SEMA4D: variants seen among roughly 807,000 people sequenced by gnomAD.
The protein encoded by SEMA4D is semaphorin 4D.
In SEMA4D, 22 loss-of-function variants were observed where a neutral mutation model predicts 74.8. The ratio of observed to expected loss-of-function variants is 0.29; its 90% CI spans 0.21 to 0.42. The LOEUF (loss-of-function observed/expected upper bound fraction) is 0.42, where lower values mean the gene tolerates loss of function less well. Ranked by LOEUF, SEMA4D falls within the 10% of genes least tolerant of loss-of-function variation. SEMA4D has a pLI of 1.00. For missense variants in SEMA4D, 937 were observed against 1,118.4 expected (o/e 0.84, Z 2.31); for synonymous variants, 445 against 463.7 (o/e 0.96, Z 0.52).
At position 89,492,417 on chromosome 9, in the gene SEMA4D, T is replaced by G. The variant is rs1189181549; in HGVS notation, c.-310+5502A>C. ...CCCTAGTGGTCTCATCCAAACTCCC[T>G]TTCAAAATGTCATCTCTATAGCTAC... On this transcript the variant is annotated intron_variant, in intron 1 of 15. Coordinates refer to ENST00000422704, the MANE Select transcript of SEMA4D (RefSeq NM_001371194.2). The surrounding 1 kb of genome is among the most constrained non-coding windows in gnomAD (Gnocchi z 4.3). Among the ~76,000 whole-genome samples, 1 of 152,110 alleles carries G rather than the reference T, an allele frequency of 6.6e-6. No individual in the cohort carries two copies. Among genetic ancestry groups the G allele is most frequent in the Non-Finnish European group, 1.5e-5 (1 of 68,020 alleles).
At chr9:89,428,548 C>T (rs1247363428) in intron 2 of SEMA4D, among the ~76,000 whole-genome samples, 1 of 152,150 alleles carries the variant, frequency 6.6e-6, no homozygotes, top group Non-Finnish European at 1.5e-5. Flanking sequence ...CCCTTCATCA[C>T]AGGCAGGAGG....
intron 1 of SEMA4D, among the ~76,000 whole-genome samples, chr9:89,483,039 G>A (rs1430781898): frequency 1.3e-5 from 2 of 152,244 alleles, no homozygotes; most frequent in Non-Finnish European, 2.9e-5. Context: ...AGCGACTGGT[G>A]TCTATTTTAA....
chr9:89,462,099 A>T (rs938282713), intron 1 of SEMA4D, among the ~76,000 whole-genome samples: 3 of 152,166 alleles, frequency 2.0e-5, no homozygotes, highest in African/African-American at 7.2e-5. Context: ...GGTTTGGGTT[A>T]AGAAGGGAAA....
At chr9:89,404,165 A>G (rs1416919674) in intron 3 of SEMA4D, among the ~76,000 whole-genome samples, 1 of 152,182 alleles carries the variant, frequency 6.6e-6, no homozygotes, top group African/African-American at 2.4e-5. Flanking sequence ...AAATAACTAA[A>G]AAAAAACTAA....
At chr9:89,470,091 T>A (rs970966595) in intron 1 of SEMA4D, among the ~76,000 whole-genome samples, 2 of 152,240 alleles carry the variant, frequency 1.3e-5, no homozygotes, top group African/African-American at 4.8e-5. Context: ...ATAAAAGTGG[T>A]CATATTTCTA....
intron 1 of SEMA4D, among the ~76,000 whole-genome samples, chr9:89,459,799 A>G (rs1368535589): frequency 6.6e-6 from 1 of 152,212 alleles, no homozygotes; most frequent in Non-Finnish European, 1.5e-5. Flanking sequence ...CACACGCCAC[A>G]AGACCCAGGC....
intron 4 of SEMA4D, among the ~76,000 whole-genome samples, 158 bp downstream of exon 4, chr9:89,402,713 C>T (rs1236581797): frequency 6.6e-5 from 10 of 151,130 alleles, no homozygotes; most frequent in Non-Finnish European, 3.0e-5. Flanking sequence ...GGGTGGTCCC[C>T]GGGTGAACTG....
chr9:89,370,419 TGTG>T (rs986605098), intron 16 of SEMA4D, among the ~76,000 whole-genome samples: 4 of 150,710 alleles, frequency 2.7e-5, no homozygotes, highest in Admixed American at 2.6e-4. Context: ...GTGGTGTGTT[TGTG>T]GTGTGTGGCT....
intron 1 of SEMA4D, among the ~76,000 whole-genome samples, chr9:89,495,482 G>A (rs1274811254): frequency 6.6e-6 from 1 of 152,078 alleles, no homozygotes; most frequent in African/African-American, 2.4e-5. Context: ...CAGGGCTGAG[G>A]AACTGCACCT....
chr9:89,459,591 C>T (rs1464802766), intron 1 of SEMA4D, among the ~76,000 whole-genome samples: 1 of 152,060 alleles, frequency 6.6e-6, no homozygotes, highest in Non-Finnish European at 1.5e-5. Flanking sequence ...GATGAGAATC[C>T]CCCTGCAGAC....
chr9:89,437,083 A>G (rs1297735311), intron 2 of SEMA4D, among the ~76,000 whole-genome samples: 1 of 152,238 alleles, frequency 6.6e-6, no homozygotes, highest in African/African-American at 2.4e-5. Flanking sequence ...GCTGCTGGAC[A>G]GTGCTGCAGC....
At chr9:89,461,299 C>G (rs1362566971) in intron 1 of SEMA4D, among the ~76,000 whole-genome samples, 3 of 152,200 alleles carry the variant, frequency 2.0e-5, no homozygotes, top group Non-Finnish European at 4.4e-5. Context: ...TACCTCTTAG[C>G]TATCAGCAAC....
At chr9:89,379,780 G>A in intron 15 of SEMA4D, 151 bp from the exon 16 acceptor site, 1 of 961,036 alleles carries the variant, frequency 1.0e-6, no homozygotes, top group South Asian at 1.8e-5. Flanking sequence ...AGACATGCGT[G>A]ACCAAAAAGC....
chr9:89,471,085 C>T (rs1860066816), intron 1 of SEMA4D, among the ~76,000 whole-genome samples: 1 of 152,196 alleles, frequency 6.6e-6, no homozygotes, highest in African/African-American at 2.4e-5. Flanking sequence ...AATGACTGCA[C>T]CAATTTGATT....
chr9:89,446,947 A>G (rs1335631399), intron 2 of SEMA4D, among the ~76,000 whole-genome samples: 1 of 152,170 alleles, frequency 6.6e-6, no homozygotes, highest in East Asian at 1.9e-4. Flanking sequence ...TGCAGGAGAT[A>G]AGAGGAGACC....
chr9:89,467,241 C>G (rs1858960196), intron 1 of SEMA4D, among the ~76,000 whole-genome samples: 1 of 152,154 alleles, frequency 6.6e-6, no homozygotes, highest in Non-Finnish European at 1.5e-5. Context: ...TCCTCACATC[C>G]CCAGCTTCCC....
At chr9:89,431,670 T>C (rs1849306228) in intron 2 of SEMA4D, among the ~76,000 whole-genome samples, 1 of 151,624 alleles carries the variant, frequency 6.6e-6, no homozygotes, top group African/African-American at 2.4e-5. Context: ...GCTATCTTTT[T>C]ATTTTTTTGT....
chr9:89,398,165 CATCTTTTTA>C, intron 5 of SEMA4D, among the ~76,000 whole-genome samples: 1 of 152,082 alleles, frequency 6.6e-6, no homozygotes, highest in Non-Finnish European at 1.5e-5. Context: ...TCTTTCTGAA[CATCTTTTTA>C]CAATCAGATG....
In SEMA4D at chr9:89,378,574, GGTT is replaced by G; in HGVS notation, c.*127_*129del. The G allele has an allele frequency of 4.6e-6, 3 of 648,262 alleles. No homozygotes were observed. The highest frequency in any genetic ancestry group is 8.1e-6 in the Non-Finnish European group (3 of 371,666). The allele number at this position is 648,262 out of a possible 1,614,324, so 40.2% of individuals were successfully genotyped here. A position where few individuals can be genotyped will look rare whatever the true frequency, so the allele number is the denominator to read the frequency against. On this transcript the variant is annotated 3_prime_UTR_variant, in exon 16 of 16. Transcript: ENST00000422704. ...AAGAGAAAATAGACAAGAGGACTGA[GGTT>G]GTCTGCACGATGCGGGCTAACCTAC...
Sources: allele counts gnomAD v4.1 joint callset (sites outside exome capture counted in the v4.1 genomes callset), GRCh38; gene constraint gnomAD v4.1.1; non-coding constraint Gnocchi (gnomAD v3.1); transcripts MANE v1.5; gene names NCBI Gene and HGNC (gene_info 2026-07-23, HGNC 2026-07-21).